Variants in BST1 observed in about 807,000 individuals in gnomAD.
The protein encoded by BST1 is bone marrow stromal cell antigen 1.
BST1 carries 49 observed loss-of-function variants against 40.6 expected under a neutral mutation model. The ratio of observed to expected loss-of-function variants is 1.21; its 90% CI spans 0.96 to 1.53. The LOEUF (loss-of-function observed/expected upper bound fraction) is 1.53. Among genes scored for constraint, BST1 ranks in the 40% most tolerant of loss-of-function variants. BST1 has a pLI of 0.00. For synonymous variants in BST1, 157 were observed against 159.3 expected (o/e 0.99, Z 0.11); for missense variants, 423 against 395.9 (o/e 1.07, Z -0.58).
At chr4:15,766,990 C>G in the BST1 span, among the ~76,000 whole-genome samples, 2 of 151,764 alleles carry the variant, frequency 1.3e-5, no homozygotes, top group Non-Finnish European at 2.9e-5. Flanking sequence ...CCCAAGAGAA[C>G]AGCTGAAGGG....
At chr4:15,740,579 A>C (rs775018866), downstream of BST1, among the ~76,000 whole-genome samples, 4 of 152,176 alleles carry the variant, frequency 2.6e-5, no homozygotes, top group Non-Finnish European at 5.9e-5. Context: ...AGGGAGACTA[A>C]TCTATACAAA....
chr4:15,731,607 A>C, intron 8 of BST1, 133 bp from the exon 9 acceptor site: 1 of 1,258,870 alleles, frequency 7.9e-7, no homozygotes. Flanking sequence ...ACGGGGTGTC[A>C]CGGGAGACTT....
intron 8 of BST1, among the ~76,000 whole-genome samples, chr4:15,729,266 A>C (rs1002187615): frequency 5.9e-5 from 9 of 152,148 alleles, no homozygotes; most frequent in African/African-American, 2.2e-4. Context: ...AGCCTAGGCA[A>C]CATGGCGAGA....
chr4:15,720,568 G>C (rs951031571), intron 7 of BST1, among the ~76,000 whole-genome samples: 2 of 148,732 alleles, frequency 1.3e-5, no homozygotes, highest in African/African-American at 5.0e-5. Flanking sequence ...AGGGTGACAA[G>C]AGCCTGGGTG....
At chr4:15,745,127 A>G in the BST1 span, among the ~76,000 whole-genome samples, 1 of 152,224 alleles carries the variant, frequency 6.6e-6, no homozygotes, top group South Asian at 2.1e-4. Context: ...AAGAAGTTGC[A>G]AAAAGCATAA....
chr4:15,720,443 C>A (rs559154157), intron 7 of BST1, among the ~76,000 whole-genome samples: 1 of 151,884 alleles, frequency 6.6e-6, no homozygotes, highest in Non-Finnish European at 1.5e-5. Context: ...ATGGTGAAAC[C>A]CCGTCTCTAC....
the BST1 span, among the ~76,000 whole-genome samples, chr4:15,769,420 G>A: frequency 2.0e-5 from 3 of 152,246 alleles, no homozygotes; most frequent in Admixed American, 6.5e-5. Flanking sequence ...GAACTGAAGA[G>A]AGGAGGCTCC....
At chr4:15,769,555 G>A in the BST1 span, among the ~76,000 whole-genome samples, 3 of 152,148 alleles carry the variant, frequency 2.0e-5, no homozygotes, top group African/African-American at 7.2e-5. Flanking sequence ...AAGAGCTAGT[G>A]GGGGTGGAGA....
In BST1 at chr4:15,719,002, C is replaced by T; in HGVS notation, c.791+9C>T. 1 of 1,610,860 alleles carries T rather than the reference C, an allele frequency of 6.2e-7. No individual in the cohort carries two copies. The highest frequency in any genetic ancestry group is 1.7e-5 in the Admixed American group (1 of 59,648). On this transcript the variant is annotated intron_variant, in intron 7 of 8. Coordinates refer to ENST00000265016, the MANE Select transcript of BST1 (RefSeq NM_004334.3). ...TGTATTAATGATTACCGGTAGGTGGCCTATATATCAATGTGCTCTTGTAGA... is the reference window on the plus strand; with the variant it reads ...TGTATTAATGATTACCGGTAGGTGGTCTATATATCAATGTGCTCTTGTAGA...
intron 1 of BST1, chr4:15,704,892 T>C (rs1423301567): frequency 1.3e-6 from 1 of 762,530 alleles, no homozygotes; most frequent in African/African-American, 1.7e-5. Flanking sequence ...TTTCTTGTGC[T>C]GATCATTTTT....
chr4:15,710,281 TA>T (rs1469691679), intron 3 of BST1, among the ~76,000 whole-genome samples: 1 of 151,866 alleles, frequency 6.6e-6, no homozygotes, highest in African/African-American at 2.4e-5. Context: ...GTGCTTTTTT[TA>T]ATTTTAATTT....
At chr4:15,746,727 T>A in the BST1 span, among the ~76,000 whole-genome samples, 1 of 152,206 alleles carries the variant, frequency 6.6e-6, no homozygotes, top group Admixed American at 6.5e-5. Context: ...GGAATGGTGG[T>A]CACCTTCAGG....
chr4:15,720,749 C>T (rs915584807), intron 7 of BST1, among the ~76,000 whole-genome samples: 2 of 152,086 alleles, frequency 1.3e-5, no homozygotes, highest in Admixed American at 1.3e-4. Context: ...TATGATGGTG[C>T]CACTGCACTC....
At position 15,732,141 on chromosome 4, in the gene BST1, A is replaced by T. The variant is rs1721400494; in HGVS notation, c.*296A>T. Reference sequence around the variant, plus strand: ...CTGCTTGTATATTATCAAACATTTTAAGAGAATTCTAATAAAGCTGTATTT... The same window carrying T: ...CTGCTTGTATATTATCAAACATTTTTAGAGAATTCTAATAAAGCTGTATTT... On this transcript the variant is annotated 3_prime_UTR_variant, in exon 9 of 9. Transcript: ENST00000265016. 8.9e-7 allele frequency: 1 copy of T among 1,122,598 alleles called. No homozygotes were observed. The highest frequency in any genetic ancestry group is 1.6e-5 in the African/African-American group (1 of 61,300). The allele number at this position is 1,122,598 out of a possible 1,614,324, so 69.5% of individuals were successfully genotyped here. A position where few individuals can be genotyped will look rare whatever the true frequency, so the allele number is the denominator to read the frequency against.
chr4:15,747,726 G>GTTCCTACC, the BST1 span, among the ~76,000 whole-genome samples: 1 of 152,176 alleles, frequency 6.6e-6, no homozygotes, highest in Non-Finnish European at 1.5e-5. Context: ...CTGGAGCACA[G>GTTCCTACC]TGGTCCCATC....
the BST1 span, among the ~76,000 whole-genome samples, chr4:15,758,478 T>C: frequency 6.6e-6 from 1 of 152,198 alleles, no homozygotes; most frequent in Non-Finnish European, 1.5e-5. Context: ...GCTGTATCCA[T>C]GTTGCTGCTA....
the BST1 span, among the ~76,000 whole-genome samples, chr4:15,748,370 G>T: frequency 2.0e-5 from 3 of 152,184 alleles, no homozygotes; most frequent in Non-Finnish European, 2.9e-5. Flanking sequence ...ATGCAAGGCT[G>T]TGCACAGTTT....
chr4:15,729,911 A>G (rs16892283), intron 8 of BST1, among the ~76,000 whole-genome samples: 13,259 of 152,246 alleles, frequency 0.087, 1,216 homozygotes, highest in East Asian at 0.52. Flanking sequence ...AAAGGAATAG[A>G]AACTGGAAAA....
downstream of BST1, among the ~76,000 whole-genome samples, chr4:15,741,825 A>G (rs182528705): frequency 1.9e-4 from 29 of 152,282 alleles, no homozygotes; most frequent in East Asian, 5.2e-3. Context: ...CAAAGCGAAA[A>G]GTATTATCTC....
Sources: gnomAD v4.1 joint callset for allele counts (sites outside exome capture counted in the v4.1 genomes callset) on GRCh38, gnomAD v4.1.1 for gene constraint, MANE v1.5 for transcripts, NCBI Gene and HGNC (gene_info 2026-07-23, HGNC 2026-07-21) for gene names.